CHCHD6: variants seen among roughly 807,000 people sequenced by gnomAD.
CHCHD6 encodes the protein MICOS complex subunit MIC25.
Under a neutral mutation model 32.3 loss-of-function variants are expected in CHCHD6, and 28 were observed. That is an observed-to-expected ratio of 0.87 (90% CI 0.64 to 1.19). CHCHD6 has a LOEUF of 1.19. Among genes scored for constraint, CHCHD6 ranks in the 50% most tolerant of loss-of-function variants. CHCHD6 has a pLI of 0.00. For synonymous variants in CHCHD6, 122 were observed against 117.5 expected (o/e 1.04, Z -0.25); for missense variants, 333 against 307.0 (o/e 1.08, Z -0.63).
rs147083615 is a variant in CHCHD6, at chr3:126,852,728, A to C, written c.493A>C (p.Lys165Gln). The change falls in exon 5 of 8, where the codon AAG becomes CAG. Residue 165 changes from lysine to glutamine, a missense_variant and splice_region_variant. Physicochemically the swap from Lys to Gln is moderately conservative, Grantham distance 53. Transcript: ENST00000290913. ...GGAGCAGCTGGAGCGTATTGAGAGGAAGGTAAGACTCCTGCTTGGCTGCAT... is the reference window on the plus strand; with the variant it reads ...GGAGCAGCTGGAGCGTATTGAGAGGCAGGTAAGACTCCTGCTTGGCTGCAT... Reference protein sequence around the residue: ...YKEQLERIERKNAEMYKLSSE... With the variant: ...YKEQLERIERQNAEMYKLSSE... 814 of 1,608,622 alleles carry C rather than the reference A, an allele frequency of 5.1e-4. 5 individuals are homozygous for C. The Middle Eastern group carries it at 0.012, about 25-fold the overall frequency.
At chr3:126,865,692 A>G (rs1052143285) in intron 5 of CHCHD6, 1 of 984,974 alleles carries the variant, frequency 1.0e-6, no homozygotes, top group East Asian at 1.1e-4. Flanking sequence ...TTCCATTACC[A>G]CCACATATTA....
chr3:126,904,155 A>T (rs1272399815), intron 5 of CHCHD6, among the ~76,000 whole-genome samples: 1 of 152,252 alleles, frequency 6.6e-6, no homozygotes, highest in East Asian at 1.9e-4. Flanking sequence ...CCCTTCCCTC[A>T]TACTGTCTCC....
rs139302464 is a variant in CHCHD6 at position 126,732,250 on chromosome 3, T to C, written c.267-828T>C. ...AGACTCATCATCTCAAGACAACCAC[T>C]GTTAATATTTTGGAGTATTTCATGT... On this transcript the variant is annotated intron_variant, in intron 3 of 7. Transcript: ENST00000290913. Among the ~76,000 whole-genome samples the C allele has an allele frequency of 7.2e-5, 11 of 152,254 alleles. No individual in the cohort carries two copies. In the East Asian group the frequency reaches 2.1e-3, roughly 29 times the overall value.
chr3:126,813,117 T>A lies in CHCHD6; in HGVS notation c.412-39530T>A, dbSNP rs183055905. The stretch of plus-strand genomic sequence containing the variant: ...AATTTCTTACCTATAGCAAGTAGAG[T>A]AGGTCAATAAATCTTAAAATTTTCA... On this transcript the variant is annotated intron_variant, in intron 4 of 7. Coordinates refer to ENST00000290913, the MANE Select transcript of CHCHD6 (RefSeq NM_032343.3). 2.6e-5 allele frequency among the ~76,000 whole-genome samples: 4 copies of A among 152,258 alleles called. No individual in the cohort carries two copies. The East Asian group carries it at 5.8e-4, about 22-fold the overall frequency.
chr3:126,804,035 AC>A (rs1939225614), intron 4 of CHCHD6, among the ~76,000 whole-genome samples: 1 of 152,324 alleles, frequency 6.6e-6, no homozygotes, highest in South Asian at 2.1e-4. Flanking sequence ...GACATAACAT[AC>A]CAGAATCTCT....
chr3:126,823,919 A>C (rs578057582), intron 4 of CHCHD6, among the ~76,000 whole-genome samples: 85 of 151,844 alleles, frequency 5.6e-4, no homozygotes, highest in South Asian at 1.5e-3. Context: ...ACACACACAC[A>C]CCCACATTAT....
intron 5 of CHCHD6, among the ~76,000 whole-genome samples, chr3:126,892,584 A>G (rs572873859): frequency 1.3e-5 from 2 of 152,292 alleles, no homozygotes; most frequent in African/African-American, 2.4e-5. Context: ...ACACAGGTCC[A>G]TCCCTAGCCC....
intron 1 of CHCHD6, among the ~76,000 whole-genome samples, chr3:126,707,711 C>T (rs561371503): frequency 2.0e-5 from 3 of 152,314 alleles, no homozygotes; most frequent in East Asian, 1.9e-4. Flanking sequence ...TCAACTTTAC[C>T]GTCATGCATT....
At chr3:126,894,230 G>A (rs1257980992) in intron 5 of CHCHD6, among the ~76,000 whole-genome samples, 1 of 152,208 alleles carries the variant, frequency 6.6e-6, no homozygotes, top group Non-Finnish European at 1.5e-5. Context: ...CGCAGTGAAG[G>A]CTCAAAGAAG....
intron 4 of CHCHD6, among the ~76,000 whole-genome samples, chr3:126,787,549 TA>T (rs1192425975): frequency 1.3e-5 from 2 of 152,190 alleles, no homozygotes; most frequent in Non-Finnish European, 2.9e-5. Context: ...ACATCCCTTG[TA>T]AGTTGGATTC....
chr3:126,755,649 A>G (rs1343742152), intron 4 of CHCHD6, among the ~76,000 whole-genome samples: 1 of 152,232 alleles, frequency 6.6e-6, no homozygotes, highest in Non-Finnish European at 1.5e-5. Context: ...ACTTAAAAAA[A>G]TAGAACATTC....
chr3:126,918,958 T>C (rs968101696), intron 6 of CHCHD6, among the ~76,000 whole-genome samples: 30 of 152,374 alleles, frequency 2.0e-4, no homozygotes, highest in Non-Finnish European at 3.8e-4. Context: ...ATTTCTTCTT[T>C]ACTCATAGGT....
In CHCHD6 at chr3:126,957,539, C is replaced by T. The variant is rs1478721563; in HGVS notation, c.690C>T (p.Ser230=). 2.5e-6 allele frequency: 4 copies of T among 1,570,784 alleles called. No homozygotes were observed. Among genetic ancestry groups the T allele is most frequent in the South Asian group, 1.2e-5 (1 of 85,702 alleles). ...DLVKAYQRCV[S]AAHKG is the part of the protein sequence containing the mutation. ...TCAAGGCATACCAGCGCTGCGTGAG[C>T]GCCGCCCACAAGGTAAGGCCTTGCC... is the stretch of plus-strand genomic sequence containing the variant. The change falls in exon 7 of 8, where the codon AGC becomes AGT. Residue 230 remains serine (S), a synonymous_variant. Transcript: ENST00000290913.
intron 4 of CHCHD6, among the ~76,000 whole-genome samples, chr3:126,792,090 T>C (rs1006830858): frequency 6.6e-6 from 1 of 152,114 alleles, no homozygotes; most frequent in Non-Finnish European, 1.5e-5. Flanking sequence ...TGTGTATATA[T>C]ATAGCAGTTT....
intron 5 of CHCHD6, among the ~76,000 whole-genome samples, chr3:126,854,694 T>C (rs1483712474): frequency 6.6e-6 from 1 of 152,206 alleles, no homozygotes; most frequent in Non-Finnish European, 1.5e-5. Context: ...CCTTTCCTTT[T>C]TCCCCCTATT....
At chr3:126,801,949 A>G (rs1221183285) in intron 4 of CHCHD6, among the ~76,000 whole-genome samples, 1 of 152,252 alleles carries the variant, frequency 6.6e-6, no homozygotes, top group Non-Finnish European at 1.5e-5. Context: ...TACCCAGGCA[A>G]ACAAGGTCTG....
intron 4 of CHCHD6, among the ~76,000 whole-genome samples, chr3:126,843,256 A>G (rs1941173189): frequency 1.3e-5 from 2 of 152,050 alleles, no homozygotes; most frequent in Non-Finnish European, 2.9e-5. Context: ...CGTAAACCCT[A>G]GTTGGTTATG....
At chr3:126,833,994 C>T (rs987142422) in intron 4 of CHCHD6, among the ~76,000 whole-genome samples, 1 of 130,392 alleles carries the variant, frequency 7.7e-6, no homozygotes, top group Non-Finnish European at 1.5e-5. Context: ...GCGGAGCTTG[C>T]AGTGAGCCGA....
At chr3:126,866,589 A>G (rs1942295872) in intron 5 of CHCHD6, among the ~76,000 whole-genome samples, 1 of 152,230 alleles carries the variant, frequency 6.6e-6, no homozygotes, top group African/African-American at 2.4e-5. Flanking sequence ...GGCTAAATTC[A>G]GAGGATGACT....
Sources: allele counts gnomAD v4.1 joint callset (sites outside exome capture counted in the v4.1 genomes callset), GRCh38; gene constraint gnomAD v4.1.1; transcripts MANE v1.5; gene names NCBI Gene and HGNC (gene_info 2026-07-23, HGNC 2026-07-21).